The following PXDNL variants were observed in gnomAD, a reference collection of about 807,000 sequenced individuals.
PXDNL encodes probable oxidoreductase PXDNL.
PXDNL carries 145 observed loss-of-function variants against 150.8 expected under a neutral mutation model. The observed-to-expected ratio is 0.96, with a 90% CI of 0.84 to 1.10. The LOEUF (loss-of-function observed/expected upper bound fraction) is 1.10, where lower values mean the gene tolerates loss of function less well. PXDNL is among the 50% of genes least tolerant of loss of function. The pLI is 0.00. For synonymous variants in PXDNL, 757 were observed against 725.7 expected (o/e 1.04, Z -0.69); for missense variants, 2,087 against 1,873.9 (o/e 1.11, Z -2.10).
chr8:51,480,792 G>A (rs1351687454), intron 6 of PXDNL, among the ~76,000 whole-genome samples: 2 of 152,182 alleles, frequency 1.3e-5, no homozygotes, highest in African/African-American at 4.8e-5. Context: ...AGGCTCTCTT[G>A]CCTGCTGCCA....
chr8:51,803,864 A>T (rs1001143713), intron 1 of PXDNL, among the ~76,000 whole-genome samples: 1 of 152,156 alleles, frequency 6.6e-6, no homozygotes, highest in East Asian at 1.9e-4. Context: ...TCAGAACTGC[A>T]TGTTTTGCCT....
At chr8:51,474,821 G>GA in intron 7 of PXDNL, 151 bp downstream of exon 7, 1 of 534,708 alleles carries the variant, frequency 1.9e-6, no homozygotes, top group Non-Finnish European at 3.0e-6. Context: ...GCAGATGATG[G>GA]AAAGGAAATT....
chr8:51,363,705 ACTT>A (rs1806826895), intron 19 of PXDNL, among the ~76,000 whole-genome samples: 1 of 151,742 alleles, frequency 6.6e-6, no homozygotes, highest in East Asian at 2.0e-4. Context: ...TTTAGTTTTT[ACTT>A]CTTCTTTCTT....
intron 8 of PXDNL, among the ~76,000 whole-genome samples, chr8:51,468,479 TC>T (rs1341887659): frequency 3.6e-4 from 53 of 146,586 alleles, no homozygotes; most frequent in African/African-American, 1.3e-3. Context: ...TTTCCACCTC[TC>T]AGTGTCATAA....
chr8:51,533,020 C>T (rs2130439480), intron 4 of PXDNL, among the ~76,000 whole-genome samples: 1 of 152,320 alleles, frequency 6.6e-6, no homozygotes, highest in East Asian at 1.9e-4. Context: ...GGCCTCCTGA[C>T]AGCCACAGCA....
intron 4 of PXDNL, among the ~76,000 whole-genome samples, chr8:51,544,862 T>G (rs1002716592): frequency 1.3e-5 from 2 of 152,074 alleles, no homozygotes; most frequent in Non-Finnish European, 1.5e-5. Flanking sequence ...TAAATTTAAT[T>G]TAAAATGGAT....
chr8:51,343,560 C>T (rs1378185795), intron 20 of PXDNL, among the ~76,000 whole-genome samples: 3 of 152,144 alleles, frequency 2.0e-5, no homozygotes, highest in Non-Finnish European at 2.9e-5. Flanking sequence ...ATGGGCCACC[C>T]AGAGTATTAA....
chr8:51,800,592 C>T (rs1250295498), intron 1 of PXDNL, among the ~76,000 whole-genome samples: 1 of 152,166 alleles, frequency 6.6e-6, no homozygotes, highest in African/African-American at 2.4e-5. Flanking sequence ...AACGGAGGGA[C>T]CAGCTGGAGC....
chr8:51,330,997 A>T (rs1364262739), intron 21 of PXDNL, among the ~76,000 whole-genome samples: 1 of 152,182 alleles, frequency 6.6e-6, no homozygotes, highest in Non-Finnish European at 1.5e-5. Flanking sequence ...TAGATTGCAG[A>T]TCCGGATACT....
Position 51,408,755 on chromosome 8 carries a change from C to T in PXDNL, c.2869G>A (p.Gly957Arg), listed in dbSNP as rs755663197. ...AGATGCTCGTTGGCCCGGTGGTCCC[C>T]GGCCAGGAAACAGGGGCTCTCCTGC... ...QEQESPCFLA[G>R]DHRANEHLAL... The change falls in exon 17 of 23, where the codon GGG becomes AGG. Residue 957 changes from glycine to arginine, a missense_variant. Coordinates refer to ENST00000356297, the MANE Select transcript of PXDNL (RefSeq NM_144651.5). 4 of 1,584,426 alleles carry T rather than the reference C, an allele frequency of 2.5e-6. No individual in the cohort carries two copies. Among genetic ancestry groups the T allele is most frequent in the Admixed American group, 1.8e-5 (1 of 56,356 alleles).
At chr8:51,390,060 C>A (rs528594272) in intron 17 of PXDNL, among the ~76,000 whole-genome samples, 1 of 151,978 alleles carries the variant, frequency 6.6e-6, no homozygotes, top group South Asian at 2.1e-4. Context: ...GCCATGCCCC[C>A]CCCACCAAAA....
At chr8:51,581,125 C>A (rs563836620) in intron 3 of PXDNL, among the ~76,000 whole-genome samples, 1 of 152,140 alleles carries the variant, frequency 6.6e-6, no homozygotes, top group East Asian at 1.9e-4. Context: ...AGAAAAACGT[C>A]TGGAGGAAAA....
intron 17 of PXDNL, among the ~76,000 whole-genome samples, chr8:51,404,989 C>T (rs796705664): frequency 2.0e-5 from 3 of 152,290 alleles, no homozygotes; most frequent in African/African-American, 4.8e-5. Flanking sequence ...CAGCTGAGGC[C>T]CTGGGAGAAT....
At chr8:51,684,656 T>C (rs1266896736) in intron 1 of PXDNL, among the ~76,000 whole-genome samples, 2 of 152,216 alleles carry the variant, frequency 1.3e-5, no homozygotes, top group Non-Finnish European at 2.9e-5. Context: ...TGGGCCTGAC[T>C]TAATTACATG....
chr8:51,791,146 G>A (rs192419505), intron 1 of PXDNL, among the ~76,000 whole-genome samples: 120 of 152,292 alleles, frequency 7.9e-4, no homozygotes, highest in African/African-American at 2.7e-3. Flanking sequence ...TCAAGTGCAG[G>A]CAGTCAGGCT....
intron 1 of PXDNL, among the ~76,000 whole-genome samples, chr8:51,749,845 C>T (rs2037025235): frequency 6.6e-6 from 1 of 152,066 alleles, no homozygotes; most frequent in Non-Finnish European, 1.5e-5. Flanking sequence ...GGATTACAGG[C>T]ACGTACCACC....
intron 19 of PXDNL, among the ~76,000 whole-genome samples, chr8:51,354,593 C>T (rs975991982): frequency 3.3e-5 from 5 of 151,962 alleles, no homozygotes; most frequent in Admixed American, 1.3e-4. Context: ...ACATATCTAA[C>T]GGGAAAATAC....
At chr8:51,333,287 C>A (rs966283996) in intron 21 of PXDNL, among the ~76,000 whole-genome samples, 17 of 134,438 alleles carry the variant, frequency 1.3e-4, no homozygotes, top group Admixed American at 4.4e-4. Context: ...CAAACAAATG[C>A]TGAATTCACC....
chr8:51,454,770 G>A (rs1200316842), intron 9 of PXDNL, among the ~76,000 whole-genome samples: 1 of 152,196 alleles, frequency 6.6e-6, no homozygotes, highest in East Asian at 1.9e-4. Flanking sequence ...AAGTATATTA[G>A]TAACATACTG....
Sources: allele counts gnomAD v4.1 joint callset (sites outside exome capture counted in the v4.1 genomes callset), GRCh38; gene constraint gnomAD v4.1.1; transcripts MANE v1.5; gene names NCBI Gene and HGNC (gene_info 2026-07-23, HGNC 2026-07-21).